The following MEF2C variants were observed in gnomAD, a reference collection of about 807,000 sequenced individuals.
The protein encoded by MEF2C is myocyte-specific enhancer factor 2C.
In MEF2C, 6 loss-of-function variants were observed where a neutral mutation model predicts 50.5. That is an observed-to-expected ratio of 0.12 (90% CI 0.07 to 0.23). MEF2C has a LOEUF of 0.23. MEF2C is among the 10% of genes least tolerant of loss of function. MEF2C has a pLI of 1.00. For synonymous variants in MEF2C, 183 were observed against 228.0 expected (o/e 0.80, Z 1.78); for missense variants, 276 against 605.0 (o/e 0.46, Z 5.70).
At chr5:88,820,258 A>T (rs1421706529) in intron 2 of MEF2C, among the ~76,000 whole-genome samples, 1 of 151,970 alleles carries the variant, frequency 6.6e-6, no homozygotes, top group African/African-American at 2.4e-5. Flanking sequence ...AAATGCCAAA[A>T]AATTTTTTTA....
At chr5:88,843,979 T>C (rs1311869968) in intron 1 of MEF2C, among the ~76,000 whole-genome samples, 1 of 152,016 alleles carries the variant, frequency 6.6e-6, no homozygotes, top group South Asian at 2.1e-4. Context: ...CTGGATAATT[T>C]TTTTGTATTT....
chr5:88,879,318 C>T (rs572533340), intron 1 of MEF2C, among the ~76,000 whole-genome samples: 1 of 151,228 alleles, frequency 6.6e-6, no homozygotes, highest in Non-Finnish European at 1.5e-5. Flanking sequence ...CTGAAATAAA[C>T]TCTCAAAACA....
At chr5:88,731,519 T>G in intron 7 of MEF2C, 1 of 444,714 alleles carries the variant, frequency 2.2e-6, no homozygotes, top group South Asian at 2.5e-5. Flanking sequence ...GTTCACCAGA[T>G]ATATATATAT....
intron 3 of MEF2C, among the ~76,000 whole-genome samples, chr5:88,785,854 T>G (rs1294245110): frequency 6.6e-6 from 1 of 151,796 alleles, no homozygotes; most frequent in East Asian, 1.9e-4. Flanking sequence ...AAAAAAAAAG[T>G]ATCCTGGGGC....
At chr5:88,859,573 T>C (rs553482266) in intron 1 of MEF2C, among the ~76,000 whole-genome samples, 1 of 152,342 alleles carries the variant, frequency 6.6e-6, no homozygotes, top group African/African-American at 2.4e-5. Context: ...GCATTAATGT[T>C]TTCAGTATCC....
intron 1 of MEF2C, among the ~76,000 whole-genome samples, chr5:88,882,311 T>C (rs868076572): frequency 5.3e-5 from 8 of 152,202 alleles, no homozygotes; most frequent in Admixed American, 2.0e-4. Context: ...CAGCAATCCA[T>C]ATGCTGAAAT....
chr5:88,823,647 C>T, intron 2 of MEF2C, 88 bp downstream of exon 2: 2 of 1,238,524 alleles, frequency 1.6e-6, no homozygotes, highest in East Asian at 2.4e-5. Context: ...TAGATATTTA[C>T]AGATTCAAGA....
chr5:88,864,988 G>A (rs936991435), intron 1 of MEF2C, among the ~76,000 whole-genome samples: 2 of 151,754 alleles, frequency 1.3e-5, no homozygotes, highest in East Asian at 1.9e-4. Flanking sequence ...GGCTGGCCTC[G>A]AACTCCTGAC....
intron 3 of MEF2C, among the ~76,000 whole-genome samples, chr5:88,785,859 T>TG (rs1356117277): frequency 6.6e-6 from 1 of 151,938 alleles, no homozygotes; most frequent in Admixed American, 6.6e-5. Flanking sequence ...AAAAGTATCC[T>TG]GGGGCTAAAA....
chr5:88,816,717 C>A (rs1805607257), intron 2 of MEF2C, among the ~76,000 whole-genome samples: 1 of 151,568 alleles, frequency 6.6e-6, no homozygotes, highest in Middle Eastern at 3.4e-3. Flanking sequence ...GTATGATGTC[C>A]TAAAATATTA....
chr5:88,729,199 A>C lies in MEF2C; in HGVS notation c.964+19T>G. 6.2e-7 allele frequency: 1 copy of C among 1,612,492 alleles called. No individual in the cohort carries two copies. Among genetic ancestry groups the C allele is most frequent in the East Asian group, 2.2e-5 (1 of 44,842 alleles). On this transcript the variant is annotated intron_variant, in intron 9 of 10. Transcript: ENST00000504921. Reference sequence around the variant, plus strand: ...AAAAAGTATTTAGTGTACTAATTGCACATGACAAAGCTACTCACCGGTACC... The same window carrying C: ...AAAAAGTATTTAGTGTACTAATTGCCCATGACAAAGCTACTCACCGGTACC...
intron 1 of MEF2C, among the ~76,000 whole-genome samples, chr5:88,830,164 A>G (rs1160843474): frequency 2.0e-5 from 3 of 152,066 alleles, no homozygotes; most frequent in South Asian, 2.1e-4. Flanking sequence ...TTTCTCTTAC[A>G]TATCAGCTAC....
chr5:88,807,571 AT>A (rs1312831013), intron 2 of MEF2C, among the ~76,000 whole-genome samples: 1 of 152,154 alleles, frequency 6.6e-6, no homozygotes, highest in Non-Finnish European at 1.5e-5. Flanking sequence ...GATTTTTCAC[AT>A]TTGTAAAACA....
intron 1 of MEF2C, among the ~76,000 whole-genome samples, chr5:88,839,033 C>G (rs1483601507): frequency 6.6e-6 from 1 of 152,104 alleles, no homozygotes; most frequent in Non-Finnish European, 1.5e-5. Context: ...TTGGAAAATA[C>G]TGCACATTTT....
At chr5:88,878,253 T>C (rs1230485561) in intron 1 of MEF2C, among the ~76,000 whole-genome samples, 1 of 151,988 alleles carries the variant, frequency 6.6e-6, no homozygotes, top group African/African-American at 2.4e-5. Context: ...CTCATGAATG[T>C]TTTTGTGTAC....
rs1310859622 is a variant in MEF2C, at chr5:88,717,971, G to A, written c.*4633C>T. The A allele has an allele frequency of 6.6e-6, 1 of 152,128 alleles. No homozygotes were observed. The highest frequency in any genetic ancestry group is 2.4e-5 in the African/African-American group (1 of 41,424). The allele number at this position is 152,128 out of a possible 1,614,324, so 9.4% of individuals were successfully genotyped here. A position where few individuals can be genotyped will look rare whatever the true frequency, so the allele number is the denominator to read the frequency against. On this transcript the variant is annotated 3_prime_UTR_variant, in exon 11 of 11. Transcript: ENST00000504921. The stretch of plus-strand genomic sequence containing the variant: ...AAACAGGTTATCAAAGATCTTCATG[G>A]AACTTCTTTGATAAAGAAGTTGAAC...
chr5:88,786,891 T>C (rs1791196871), intron 3 of MEF2C, among the ~76,000 whole-genome samples: 1 of 152,264 alleles, frequency 6.6e-6, no homozygotes, highest in African/African-American at 2.4e-5. Flanking sequence ...ACTGCTTTCC[T>C]TCTCCTCTGT....
At chr5:88,896,349 G>A (rs1008006567) in intron 1 of MEF2C, among the ~76,000 whole-genome samples, 1 of 152,108 alleles carries the variant, frequency 6.6e-6, no homozygotes, top group Non-Finnish European at 1.5e-5. Flanking sequence ...TCTCCCTTCT[G>A]CCCCACCAAA....
At chr5:88,854,451 A>G (rs1477225516) in intron 1 of MEF2C, among the ~76,000 whole-genome samples, 8 of 152,226 alleles carry the variant, frequency 5.3e-5, no homozygotes, top group Non-Finnish European at 1.0e-4. Flanking sequence ...CAATGTAGAA[A>G]TTAGTAAACA....
Sources: gnomAD v4.1 joint callset for allele counts (sites outside exome capture counted in the v4.1 genomes callset) on GRCh38, gnomAD v4.1.1 for gene constraint, MANE v1.5 for transcripts, NCBI Gene and HGNC (gene_info 2026-07-23, HGNC 2026-07-21) for gene names.